The following NTM variants were observed in gnomAD, a reference collection of about 807,000 sequenced individuals.
NTM encodes neurotrimin.
In NTM, 13 loss-of-function variants were observed where a neutral mutation model predicts 42.1. That is an observed-to-expected ratio of 0.31 (90% CI 0.20 to 0.49). The LOEUF (loss-of-function observed/expected upper bound fraction) is 0.49. Ranked by LOEUF, NTM falls within the 20% of genes least tolerant of loss-of-function variation. The pLI is 0.99. For missense variants in NTM, 373 were observed against 452.8 expected (o/e 0.82, Z 1.60); for synonymous variants, 187 against 179.2 (o/e 1.04, Z -0.35).
chr11:131,480,764 C>T (rs1178033873), intron 1 of NTM, among the ~76,000 whole-genome samples: 4 of 151,390 alleles, frequency 2.6e-5, no homozygotes, highest in Non-Finnish European at 5.9e-5. Flanking sequence ...GAGTGGCCAG[C>T]TCTGTCTCCA....
intron 1 of NTM, among the ~76,000 whole-genome samples, chr11:131,729,668 A>T (rs540163639): frequency 6.6e-6 from 1 of 152,156 alleles, no homozygotes; most frequent in South Asian, 2.1e-4. Context: ...ATATTTCACA[A>T]ATATGAAATT....
chr11:131,939,338 A>G (rs780982757), intron 2 of NTM, among the ~76,000 whole-genome samples: 1 of 152,072 alleles, frequency 6.6e-6, no homozygotes, highest in Non-Finnish European at 1.5e-5. Flanking sequence ...GGAAAAGGAG[A>G]AGTGAAAAGT....
chr11:131,733,471 C>T (rs866471531), intron 1 of NTM, among the ~76,000 whole-genome samples: 10,269 of 108,536 alleles, frequency 0.095, 498 homozygotes, highest in African/African-American at 0.19. Flanking sequence ...TCTTTCCTTC[C>T]TTCCTTCCTT....
chr11:131,923,052 T>G (rs1440298426), intron 2 of NTM, among the ~76,000 whole-genome samples: 1 of 140,254 alleles, frequency 7.1e-6, no homozygotes, highest in Admixed American at 7.5e-5. Flanking sequence ...TCTACTCCAG[T>G]ACCCCGTTTA....
At chr11:131,924,642 A>G (rs1012124172) in intron 2 of NTM, among the ~76,000 whole-genome samples, 1 of 133,818 alleles carries the variant, frequency 7.5e-6, no homozygotes, top group African/African-American at 3.0e-5. Flanking sequence ...ATTACCTTGG[A>G]AACCTGTGTC....
chr11:132,013,434 G>A (rs1281343985), intron 2 of NTM, among the ~76,000 whole-genome samples: 2 of 152,108 alleles, frequency 1.3e-5, no homozygotes, highest in Admixed American at 6.6e-5. Flanking sequence ...AGAAAGTAGC[G>A]ATGTCTGTCA....
At chr11:131,848,566 C>T (rs2045190509) in intron 1 of NTM, among the ~76,000 whole-genome samples, 1 of 152,230 alleles carries the variant, frequency 6.6e-6, no homozygotes. Context: ...CTCCACTTCA[C>T]TGCTTCTTGA....
chr11:131,626,646 T>A (rs869925), intron 1 of NTM, among the ~76,000 whole-genome samples: 122,468 of 152,200 alleles, frequency 0.8, 49,373 homozygotes, highest in Non-Finnish European at 0.83. Flanking sequence ...GGCATTAATT[T>A]GAAGACATTT....
chr11:131,556,796 G>A (rs2055490922), intron 1 of NTM, among the ~76,000 whole-genome samples: 1 of 152,114 alleles, frequency 6.6e-6, no homozygotes, highest in South Asian at 2.1e-4. Flanking sequence ...TCGAACTCCT[G>A]ACCTCGTGAC....
chr11:132,235,005 C>T (rs1214781666), intron 4 of NTM, among the ~76,000 whole-genome samples: 1 of 152,188 alleles, frequency 6.6e-6, no homozygotes, highest in Non-Finnish European at 1.5e-5. Flanking sequence ...AACATGCCTG[C>T]CTGTATTAAT....
chr11:131,843,380 A>G (rs2044515676), intron 1 of NTM, among the ~76,000 whole-genome samples: 1 of 152,192 alleles, frequency 6.6e-6, no homozygotes, highest in Non-Finnish European at 1.5e-5. Context: ...CAGTCTGGTT[A>G]GATTCTTCAG....
At chr11:131,709,271 T>A in intron 1 of NTM, among the ~76,000 whole-genome samples, 1 of 152,162 alleles carries the variant, frequency 6.6e-6, no homozygotes, top group African/African-American at 2.4e-5. Context: ...GGAAATCTAT[T>A]GGCAGCTTCT....
chr11:131,434,718 AT>A (rs1264766320), intron 1 of NTM, among the ~76,000 whole-genome samples: 1 of 151,938 alleles, frequency 6.6e-6, no homozygotes, highest in Non-Finnish European at 1.5e-5. Flanking sequence ...GATTGCAAAA[AT>A]TTTCTCCCAT....
intron 1 of NTM, among the ~76,000 whole-genome samples, chr11:131,447,604 G>C (rs564248090): frequency 2.4e-4 from 36 of 152,278 alleles, no homozygotes; most frequent in South Asian, 8.3e-4. Flanking sequence ...AATATGGTTT[G>C]TTTGTATTTG....
At chr11:132,062,659 G>A (rs1382281603) in intron 2 of NTM, among the ~76,000 whole-genome samples, 1 of 152,200 alleles carries the variant, frequency 6.6e-6, no homozygotes, top group Non-Finnish European at 1.5e-5. Context: ...CAGACAGGAT[G>A]TAGCCAGCCC....
chr11:131,681,307 C>G (rs1269610151), intron 1 of NTM, among the ~76,000 whole-genome samples: 1 of 21,790 alleles, frequency 4.6e-5, no homozygotes, highest in African/African-American at 1.1e-4. Context: ...GTTTCTGTGT[C>G]TGTATGTCTG....
intron 4 of NTM, among the ~76,000 whole-genome samples, chr11:132,260,870 G>C (rs1249294889): frequency 2.6e-5 from 4 of 152,192 alleles, no homozygotes; most frequent in African/African-American, 9.6e-5. Context: ...GGCTGGTTTA[G>C]AGAGTGGCTT....
chr11:131,672,157 G>C (rs2070401725), intron 1 of NTM, among the ~76,000 whole-genome samples: 1 of 152,234 alleles, frequency 6.6e-6, no homozygotes, highest in African/African-American at 2.4e-5. Context: ...AGGTGTGGGA[G>C]GAACAAGCCT....
At chr11:131,619,203 G>T (rs2062265711) in intron 1 of NTM, among the ~76,000 whole-genome samples, 1 of 152,200 alleles carries the variant, frequency 6.6e-6, no homozygotes, top group Admixed American at 6.5e-5. Context: ...GCATTGAGTG[G>T]CAAAGCCCGA....
Sources: allele counts gnomAD v4.1 joint callset (sites outside exome capture counted in the v4.1 genomes callset), GRCh38; gene constraint gnomAD v4.1.1; transcripts MANE v1.5; gene names NCBI Gene and HGNC (gene_info 2026-07-23, HGNC 2026-07-21).